ITPR1: variants seen among roughly 807,000 people sequenced by gnomAD.
The protein encoded by ITPR1 is inositol 1,4,5-trisphosphate receptor type 1.
A neutral mutation model predicts 318.4 loss-of-function variants in ITPR1; 96 were observed. That is an observed-to-expected ratio of 0.30 (90% CI 0.26 to 0.36). The LOEUF (loss-of-function observed/expected upper bound fraction) is 0.36, where lower values mean the gene tolerates loss of function less well. ITPR1 is among the 10% of genes least tolerant of loss of function. The pLI is 1.00. For missense variants in ITPR1, 2,440 were observed against 3,460.2 expected, an observed-to-expected ratio of 0.71 and a Z score of 7.40; for synonymous variants, 1,312 against 1,289.9, an observed-to-expected ratio of 1.02 and a Z score of -0.37.
intron 49 of ITPR1, among the ~76,000 whole-genome samples, chr3:4,781,762 C>T (rs2046851474): frequency 2.0e-5 from 3 of 152,148 alleles, no homozygotes. Context: ...GTGGGAGGAA[C>T]ACTGGAGTCC....
intron 59 of ITPR1, among the ~76,000 whole-genome samples, chr3:4,816,828 TTGA>T: frequency 6.6e-6 from 1 of 152,364 alleles, no homozygotes; most frequent in East Asian, 1.9e-4. Flanking sequence ...TTAGCATTCA[TTGA>T]TGATGCTTGG....
At chr3:4,766,791 C>A in intron 45 of ITPR1, 81 bp downstream of exon 45, 1 of 1,177,600 alleles carries the variant, frequency 8.5e-7, no homozygotes, top group Non-Finnish European at 1.2e-6. Flanking sequence ...TTCATTACTT[C>A]TGTGCTCTAA....
intron 4 of ITPR1, among the ~76,000 whole-genome samples, chr3:4,619,432 C>CG (rs961254744): frequency 6.6e-6 from 1 of 151,200 alleles, no homozygotes; most frequent in Admixed American, 6.6e-5. Flanking sequence ...CTTTTGCCCC[C>CG]TTTCCTTCCT....
chr3:4,518,161 C>T (rs1178563980), intron 3 of ITPR1, among the ~76,000 whole-genome samples: 1 of 152,134 alleles, frequency 6.6e-6, no homozygotes, highest in Non-Finnish European at 1.5e-5. Flanking sequence ...CGCAGCTCTC[C>T]CTCCTCCTTG....
At chr3:4,691,915 G>T (rs931671703) in intron 32 of ITPR1, among the ~76,000 whole-genome samples, 2 of 152,198 alleles carry the variant, frequency 1.3e-5, no homozygotes, top group African/African-American at 2.4e-5. Flanking sequence ...TCTTTGGGAG[G>T]CTGAGGCAGG....
At chr3:4,645,909 A>G in intron 10 of ITPR1, 181 bp downstream of exon 10, 1 of 598,374 alleles carries the variant, frequency 1.7e-6, no homozygotes, top group Non-Finnish European at 2.8e-6. Flanking sequence ...ATAAGTCACA[A>G]ACAAGTACTT....
At chr3:4,812,968 C>T (rs1177053067) in intron 56 of ITPR1, 174 bp from the exon 57 acceptor site, 2 of 615,054 alleles carry the variant, frequency 3.3e-6, no homozygotes, top group South Asian at 2.0e-5. Flanking sequence ...GCTTTTTTCC[C>T]ATCCAGATCA....
chr3:4,509,281 C>T (rs1483507253), intron 2 of ITPR1, among the ~76,000 whole-genome samples: 3 of 152,144 alleles, frequency 2.0e-5, no homozygotes, highest in African/African-American at 7.2e-5. Flanking sequence ...AGTCTGTTTC[C>T]AAGTGTACAC....
chr3:4,709,153 G>T lies in ITPR1; in HGVS notation c.4843-1172G>T, dbSNP rs534421797. On this transcript the variant is annotated intron_variant, in intron 37 of 61. Coordinates refer to ENST00000649015, the MANE Select transcript of ITPR1 (RefSeq NM_001378452.1). ...TGCTTCCAAAAGGGATGCTATGGGG[G>T]GAACTGATAAGAGCCTCAGAATTTT... Among the ~76,000 whole-genome samples, 110 of 152,274 alleles carry T rather than the reference G, an allele frequency of 7.2e-4. 2 individuals carry two copies. The South Asian group carries it at 9.3e-3, about 13-fold the overall frequency.
intron 60 of ITPR1, among the ~76,000 whole-genome samples, chr3:4,833,764 A>G (rs2106537636): frequency 6.6e-6 from 1 of 152,330 alleles, no homozygotes; most frequent in Admixed American, 6.5e-5. Flanking sequence ...CCCAAGGGCT[A>G]ACCTTCTTTA....
At chr3:4,759,237 G>C (rs1032237994) in intron 44 of ITPR1, among the ~76,000 whole-genome samples, 1 of 152,222 alleles carries the variant, frequency 6.6e-6, no homozygotes, top group African/African-American at 2.4e-5. Context: ...TTGCAGGGCT[G>C]GGGGAGGATG....
Position 4,670,833 on chromosome 3 carries a change from G to A in ITPR1, c.2111G>A (p.Ser704Asn), listed in dbSNP as rs373694009. The change falls in exon 20 of 62, where the codon AGC (serine) becomes AAC (asparagine). Residue 704 changes from serine (S) to asparagine (N), a missense_variant. Physicochemically the swap from Ser to Asn is conservative, Grantham distance 46 (BLOSUM62 1). Coordinates refer to ENST00000649015, the MANE Select transcript of ITPR1 (RefSeq NM_001378452.1). Reference sequence around the variant, plus strand: ...GAGGTGTGGCTGTTTTGGAGGGACAGCAACAAAGAGATTCGCAGCAAGAGT... The same window carrying A: ...GAGGTGTGGCTGTTTTGGAGGGACAACAACAAAGAGATTCGCAGCAAGAGT... ...EEEVWLFWRD[S>N]NKEIRSKSVR... The A allele has an allele frequency of 2.1e-5, 34 of 1,610,796 alleles. No homozygotes were observed. Among genetic ancestry groups the A allele is most frequent in the Non-Finnish European group, 2.7e-5 (32 of 1,178,524 alleles).
intron 4 of ITPR1, among the ~76,000 whole-genome samples, chr3:4,547,976 C>T (rs567829465): frequency 5.3e-5 from 8 of 152,270 alleles, no homozygotes; most frequent in East Asian, 1.9e-4. Context: ...GTCTAAGTAC[C>T]GGCCTGTGAG....
intron 4 of ITPR1, among the ~76,000 whole-genome samples, chr3:4,543,718 C>T (rs1425551240): frequency 6.6e-6 from 1 of 152,216 alleles, no homozygotes; most frequent in Non-Finnish European, 1.5e-5. Context: ...GCTGGGATTA[C>T]AGGTGTGAGC....
intron 4 of ITPR1, among the ~76,000 whole-genome samples, chr3:4,611,460 T>C (rs1239214995): frequency 3.3e-5 from 5 of 151,726 alleles, no homozygotes; most frequent in Non-Finnish European, 1.5e-5. Flanking sequence ...CTTGGGAGGC[T>C]GAGGCAGGAG....
intron 5 of ITPR1, among the ~76,000 whole-genome samples, chr3:4,633,051 G>A (rs1372155334): frequency 6.9e-6 from 1 of 145,906 alleles, no homozygotes; most frequent in African/African-American, 2.6e-5. Flanking sequence ...CGATTTCCCT[G>A]CCTTAGCGTC....
At chr3:4,777,200 T>C in intron 47 of ITPR1, 64 bp from the exon 48 acceptor site, 3 of 930,094 alleles carry the variant, frequency 3.2e-6, no homozygotes, top group Non-Finnish European at 5.1e-6. Context: ...GTTCAGCCTG[T>C]TGGCCTTTGA....
At chr3:4,754,286 C>T (rs534140278) in intron 44 of ITPR1, among the ~76,000 whole-genome samples, 17 of 152,310 alleles carry the variant, frequency 1.1e-4, no homozygotes, top group African/African-American at 3.6e-4. Flanking sequence ...CATGGAGGAA[C>T]AGCACCCAAG....
chr3:4,813,616 G>A (rs1292041895), intron 57 of ITPR1, among the ~76,000 whole-genome samples: 1 of 152,116 alleles, frequency 6.6e-6, no homozygotes, highest in Non-Finnish European at 1.5e-5. Flanking sequence ...TCAAGAAAGT[G>A]ATATCCAAAC....
Sources: gnomAD v4.1 joint callset for allele counts (sites outside exome capture counted in the v4.1 genomes callset) on GRCh38, gnomAD v4.1.1 for gene constraint, MANE v1.5 for transcripts, NCBI Gene and HGNC (gene_info 2026-07-23, HGNC 2026-07-21) for gene names.